Variants in MTMR3 observed in about 807,000 individuals in gnomAD.
MTMR3 encodes phosphatidylinositol-3,5-bisphosphate 3-phosphatase MTMR3.
A neutral mutation model predicts 132.4 loss-of-function variants in MTMR3; 32 were observed. The ratio of observed to expected loss-of-function variants is 0.24; its 90% confidence interval spans 0.18 to 0.32. The LOEUF (loss-of-function observed/expected upper bound fraction) is 0.32, where lower values mean the gene tolerates loss of function less well. Among genes scored for constraint, MTMR3 ranks in the 10% least tolerant of loss-of-function variants. The pLI, the probability that MTMR3 is intolerant of heterozygous loss-of-function variation, is 1.00. For synonymous variants in MTMR3, 556 were observed against 550.3 expected, an observed-to-expected ratio of 1.01 and a Z score of -0.14; for missense variants, 1,216 against 1,489.6, an observed-to-expected ratio of 0.82 and a Z score of 3.02.
chr22:29,905,335 A>C (rs552656845), intron 1 of MTMR3, among the ~76,000 whole-genome samples: 25 of 152,290 alleles, frequency 1.6e-4, no homozygotes, highest in South Asian at 8.3e-4. Context: ...AAATCCGCAC[A>C]TGAGTGGACC....
intron 1 of MTMR3, among the ~76,000 whole-genome samples, chr22:29,943,551 C>T (rs1349590233): frequency 1.3e-5 from 2 of 152,052 alleles, no homozygotes; most frequent in East Asian, 1.9e-4. Flanking sequence ...TTTATAAGTT[C>T]ATAGAAATTT....
chr22:29,925,937 T>C (rs1210055365), intron 1 of MTMR3, among the ~76,000 whole-genome samples: 5 of 151,978 alleles, frequency 3.3e-5, no homozygotes, highest in African/African-American at 9.7e-5. Flanking sequence ...AAAATAAAAA[T>C]AAAGTATACA....
chr22:29,953,860 T>C (rs2066130046), intron 1 of MTMR3, among the ~76,000 whole-genome samples: 1 of 152,158 alleles, frequency 6.6e-6, no homozygotes, highest in Non-Finnish European at 1.5e-5. Context: ...TATTTTTAGG[T>C]AATTGCTTAG....
chr22:29,986,859 G>A (rs1002604584), intron 5 of MTMR3: 1 of 151,570 alleles, frequency 6.6e-6, no homozygotes, highest in African/African-American at 2.4e-5. Flanking sequence ...ACCAAATACA[G>A]GCATGCACCA....
At chr22:29,901,187 A>G (rs2064997166) in intron 1 of MTMR3, among the ~76,000 whole-genome samples, 1 of 151,918 alleles carries the variant, frequency 6.6e-6, no homozygotes, top group African/African-American at 2.4e-5. Context: ...AATATTTATT[A>G]CTTGGGCTTT....
At chr22:29,941,228 A>T (rs1352281317) in intron 1 of MTMR3, among the ~76,000 whole-genome samples, 1 of 152,192 alleles carries the variant, frequency 6.6e-6, no homozygotes, top group Non-Finnish European at 1.5e-5. Context: ...AGGTTGTATC[A>T]GTAAGTAGTT....
At chr22:29,946,190 A>G (rs1157950329) in intron 1 of MTMR3, among the ~76,000 whole-genome samples, 1 of 152,178 alleles carries the variant, frequency 6.6e-6, no homozygotes, top group African/African-American at 2.4e-5. Flanking sequence ...TTGTCATTGG[A>G]AATAGAGTCA....
chr22:30,022,552 T>C (rs1175947767), intron 18 of MTMR3, 57 bp from the exon 19 acceptor site: 1 of 1,483,676 alleles, frequency 6.7e-7, no homozygotes, highest in Admixed American at 1.7e-5. Flanking sequence ...ATGGCTCTGC[T>C]GGCTCCAGCT....
chr22:29,891,823 G>C (rs2064805068), intron 1 of MTMR3, among the ~76,000 whole-genome samples: 1 of 151,996 alleles, frequency 6.6e-6, no homozygotes, highest in Non-Finnish European at 1.5e-5. Context: ...CACTAGTTTT[G>C]CTGGTCCAGT....
intron 5 of MTMR3, chr22:29,983,315 T>TC (rs1186704907): frequency 1.3e-5 from 2 of 152,282 alleles, no homozygotes; most frequent in African/African-American, 4.8e-5. Flanking sequence ...AGTTTTTTTT[T>TC]CTTTCACTTT....
chr22:30,007,786 G>C, intron 10 of MTMR3, 115 bp from the exon 11 acceptor site: 2 of 1,257,032 alleles, frequency 1.6e-6, no homozygotes, highest in African/African-American at 1.5e-5. Flanking sequence ...TTTGGTTAGG[G>C]GATTTCATTT....
At chr22:29,932,989 G>A (rs1356554930) in intron 1 of MTMR3, among the ~76,000 whole-genome samples, 1 of 151,882 alleles carries the variant, frequency 6.6e-6, no homozygotes, top group Non-Finnish European at 1.5e-5. Context: ...TATTTTTTGA[G>A]ATGGCGTCTT....
intron 8 of MTMR3, 69 bp from the exon 9 acceptor site, chr22:30,002,811 C>G: frequency 8.4e-7 from 1 of 1,192,544 alleles, no homozygotes; most frequent in Non-Finnish European, 1.2e-6. Context: ...TAGTGTCTCT[C>G]TCTCTCTCCC....
At chr22:29,902,038 C>A (rs1301570146) in intron 1 of MTMR3, among the ~76,000 whole-genome samples, 1 of 151,996 alleles carries the variant, frequency 6.6e-6, no homozygotes, top group African/African-American at 2.4e-5. Context: ...TACACATGTG[C>A]CCATGTATTT....
At chr22:29,924,448 C>T (rs2065477362) in intron 1 of MTMR3, among the ~76,000 whole-genome samples, 1 of 148,146 alleles carries the variant, frequency 6.8e-6, no homozygotes, top group Non-Finnish European at 1.5e-5. Context: ...AGTTTCCTCA[C>T]TGTTTTGTTT....
chr22:29,920,498 T>C (rs2065389816), intron 1 of MTMR3, among the ~76,000 whole-genome samples: 2 of 152,086 alleles, frequency 1.3e-5, no homozygotes, highest in Non-Finnish European at 2.9e-5. Flanking sequence ...CTGAAAGAAT[T>C]TGTGGTATTT....
intron 7 of MTMR3, chr22:29,992,523 C>T (rs902141770): frequency 3.3e-5 from 5 of 152,208 alleles, no homozygotes; most frequent in Non-Finnish European, 7.3e-5. Context: ...TGTTATTTCT[C>T]TGCATGTAGT....
chr22:29,932,081 T>C (rs36590), intron 1 of MTMR3, among the ~76,000 whole-genome samples: 119,098 of 152,192 alleles, frequency 0.78, 47,018 homozygotes, highest in East Asian at 0.91. Context: ...CTATTGTAAT[T>C]TGTTTCAGTC....
At chr22:30,025,477 G>C in intron 19 of MTMR3, 153 bp from the exon 20 acceptor site, 1 of 744,514 alleles carries the variant, frequency 1.3e-6, no homozygotes, top group Non-Finnish European at 2.2e-6. Flanking sequence ...TCCCTACCCA[G>C]CTTGTTCCTG....
Sources: allele counts gnomAD v4.1 joint callset (sites outside exome capture counted in the v4.1 genomes callset), GRCh38; gene constraint gnomAD v4.1.1; transcripts MANE v1.5; gene names NCBI Gene and HGNC (gene_info 2026-07-23, HGNC 2026-07-21).